PRRC2B: variants seen among roughly 807,000 people sequenced by gnomAD.
PRRC2B encodes proline rich coiled-coil 2B.
A neutral mutation model predicts 242.3 loss-of-function variants in PRRC2B; 68 were observed. That is an observed-to-expected ratio of 0.28 (90% CI 0.23 to 0.34). PRRC2B has a LOEUF of 0.34. PRRC2B is among the 10% of genes least tolerant of loss of function. The probability of loss-of-function intolerance (pLI) is 1.00; values close to 1 mark genes in which losing one functional copy is unlikely to be tolerated. For synonymous variants in PRRC2B, 1,228 were observed against 1,173.6 expected (o/e 1.05, Z -0.95); for missense variants, 2,835 against 2,954.8 (o/e 0.96, Z 0.94).
chr9:131,475,370 G>A lies in PRRC2B; in HGVS notation c.3241G>A (p.Ala1081Thr), dbSNP rs1241349321. The change falls in exon 16 of 32, where the codon GCT becomes ACT. Residue 1081 changes from alanine to threonine, a missense_variant. Ala to Thr is a moderately conservative substitution (Grantham distance 58, BLOSUM62 0). Around this residue, in one of 7 missense-constraint regions of PRRC2B, gnomAD observed 1,536 missense variants for 1,483.1 expected, o/e 1.04. Coordinates refer to ENST00000683519, the MANE Select transcript of PRRC2B (RefSeq NM_013318.4). ...FREFTFRGRP[A>T]GGNGSGLCGG... ...AGAGTTCACTTTTCGTGGTCGGCCT[G>A]CTGGCGGAAATGGGAGCGGCCTCTG... 1 of 1,586,864 alleles carries A rather than the reference G, an allele frequency of 6.3e-7. No homozygotes were observed. Among genetic ancestry groups the A allele is most frequent in the Non-Finnish European group, 8.6e-7 (1 of 1,167,194 alleles).
chr9:131,474,350 T>G, intron 15 of PRRC2B, 104 bp from the exon 16 acceptor site: 3 of 1,026,622 alleles, frequency 2.9e-6, no homozygotes, highest in Non-Finnish European at 4.2e-6. Context: ...AGTGTTTTAG[T>G]TTTTGTTTTT....
intron 6 of PRRC2B, among the ~76,000 whole-genome samples, chr9:131,444,977 T>G (rs1011200949): frequency 1.3e-5 from 2 of 152,196 alleles, no homozygotes; most frequent in Non-Finnish European, 2.9e-5. Context: ...GCTCATGTAG[T>G]CCAGGGGTCT....
intron 1 of PRRC2B, among the ~76,000 whole-genome samples, chr9:131,386,910 G>A (rs920655395): frequency 1.3e-5 from 2 of 150,114 alleles, no homozygotes; most frequent in African/African-American, 4.9e-5. Context: ...CTGTCTGCAA[G>A]CTGAGGAGCA....
At chr9:131,479,004 G>A (rs549682285) in intron 18 of PRRC2B, among the ~76,000 whole-genome samples, 25 of 152,122 alleles carry the variant, frequency 1.6e-4, no homozygotes, top group East Asian at 5.8e-4. Flanking sequence ...GATCGTGAAC[G>A]CTATACTAAA....
intron 1 of PRRC2B, among the ~76,000 whole-genome samples, chr9:131,418,411 G>T (rs1044846749): frequency 1.3e-5 from 2 of 152,220 alleles, no homozygotes; most frequent in African/African-American, 4.8e-5. Flanking sequence ...TTCAGCGTTG[G>T]TTATTATTTG....
At position 131,494,395 on chromosome 9, in the gene PRRC2B, GT is replaced by G; in HGVS notation, c.6474-4del. 1 of 1,556,526 alleles carries G rather than the reference GT, an allele frequency of 6.4e-7. No individual in the cohort carries two copies. The highest frequency in any genetic ancestry group is 8.8e-7 in the Non-Finnish European group (1 of 1,139,754). Reference sequence around the variant, plus strand: ...TGTGTATTCTCAACCCCTGCCTTTGGTTTTTTCAGGCCTAGCTCTGCTAGCC... The same window carrying G: ...TGTGTATTCTCAACCCCTGCCTTTGGTTTTTCAGGCCTAGCTCTGCTAGCC... On this transcript the variant is annotated splice_polypyrimidine_tract_variant and intron_variant, in intron 30 of 31. Transcript: ENST00000683519. The surrounding 1 kb of genome is among the most constrained non-coding windows in gnomAD (Gnocchi z 4.3).
intron 11 of PRRC2B, among the ~76,000 whole-genome samples, chr9:131,460,537 A>G (rs1472580420): frequency 6.6e-6 from 1 of 152,144 alleles, no homozygotes; most frequent in Non-Finnish European, 1.5e-5. Context: ...TCTCTTGATT[A>G]ATGGGGTGCC....
Position 131,434,080 on chromosome 9 carries a change from G to A in PRRC2B, c.293+1286G>A, listed in dbSNP as rs118153401. Among the ~76,000 whole-genome samples, 357 of 152,238 alleles carry A rather than the reference G, an allele frequency of 2.3e-3. 17 individuals are homozygous for A. In the East Asian group the frequency reaches 0.061, roughly 26 times the overall value. The stretch of plus-strand genomic sequence containing the variant: ...CCTCAGTGTCCCCCCCTTGAAATAG[G>A]AATGATACCTGGCTTTGCTGGTGGT... On this transcript the variant is annotated intron_variant, in intron 3 of 31. Transcript: ENST00000683519.
chr9:131,436,250 A>G (rs890283416), intron 3 of PRRC2B, among the ~76,000 whole-genome samples: 8 of 152,176 alleles, frequency 5.3e-5, no homozygotes, highest in African/African-American at 1.9e-4. Context: ...CTGTAGTCCC[A>G]CCTACTCAGA....
chr9:131,490,149 T>G (rs1393711873), intron 28 of PRRC2B, among the ~76,000 whole-genome samples: 1 of 151,946 alleles, frequency 6.6e-6, no homozygotes, highest in Non-Finnish European at 1.5e-5. Flanking sequence ...ATCTCAAGAC[T>G]CATCATATTC....
chr9:131,469,675 A>C (rs370231026), intron 13 of PRRC2B, among the ~76,000 whole-genome samples: 1 of 152,330 alleles, frequency 6.6e-6, no homozygotes, highest in East Asian at 1.9e-4. Flanking sequence ...TCAGAGTGTG[A>C]CGCAGCAGTG....
At chr9:131,479,578 C>G (rs1341811138) in intron 19 of PRRC2B, among the ~76,000 whole-genome samples, 185 bp downstream of exon 19, 1 of 138,926 alleles carries the variant, frequency 7.2e-6, no homozygotes, top group Non-Finnish European at 1.5e-5. Context: ...CTGCTGCAAC[C>G]CCCAAACGGA....
intron 11 of PRRC2B, among the ~76,000 whole-genome samples, chr9:131,462,697 G>A (rs1248669823): frequency 6.6e-6 from 1 of 151,552 alleles, no homozygotes; most frequent in Non-Finnish European, 1.5e-5. Flanking sequence ...AATTAGCCAG[G>A]CGTGGTGCCG....
intron 1 of PRRC2B, among the ~76,000 whole-genome samples, chr9:131,422,937 A>C (rs1837882354): frequency 6.6e-6 from 1 of 151,968 alleles, no homozygotes; most frequent in Non-Finnish European, 1.5e-5. Flanking sequence ...ATTTTCTTTT[A>C]GGCTGGCAAG....
intron 4 of PRRC2B, among the ~76,000 whole-genome samples, chr9:131,437,841 A>G (rs1838425025): frequency 6.6e-6 from 1 of 152,244 alleles, no homozygotes; most frequent in African/African-American, 2.4e-5. Context: ...TTTGAAAGAA[A>G]AGGAGTGAGG....
chr9:131,397,315 T>G (rs983160287), intron 1 of PRRC2B, among the ~76,000 whole-genome samples: 2 of 151,902 alleles, frequency 1.3e-5, no homozygotes, highest in Non-Finnish European at 2.9e-5. Context: ...ACAGTGGCCG[T>G]CTCCAGCCTC....
At chr9:131,410,262 C>T (rs1232828162) in intron 1 of PRRC2B, among the ~76,000 whole-genome samples, 2 of 152,234 alleles carry the variant, frequency 1.3e-5, no homozygotes, top group East Asian at 1.9e-4. Flanking sequence ...AGAGGGGCTC[C>T]AGGCAGACCC....
chr9:131,476,326 C>T lies in PRRC2B; in HGVS notation c.4197C>T (p.Ser1399=). Residue 1399 remains serine (S), a synonymous_variant, in exon 16 of 32, where the codon TCC becomes TCT. Transcript: ENST00000683519. ...RREGPGSEPD[S]QVDGGLSGAS... ...AAGGCCCTGGGTCCGAGCCCGACTC[C>T]CAGGTGGATGGTGGCCTGTCGGGGG... 1 of 1,582,514 alleles carries T rather than the reference C, an allele frequency of 6.3e-7. No individual in the cohort carries two copies. Among genetic ancestry groups the T allele is most frequent in the Non-Finnish European group, 8.6e-7 (1 of 1,164,690 alleles).
rs1944393530 is a variant in PRRC2B, at chr9:131,498,681, G to A, written c.*2807G>A. On this transcript the variant is annotated 3_prime_UTR_variant, in exon 32 of 32. Transcript: ENST00000683519. ...CCACGGGGCCTTAGTGGGAACAGGT[G>A]GAGACCAGCACTTCCCTTTCCTGCT... 1 of 152,240 alleles carries A rather than the reference G, an allele frequency of 6.6e-6. No homozygotes were observed. The highest frequency in any genetic ancestry group is 6.5e-5 in the Admixed American group (1 of 15,290). 9.4% of individuals were successfully genotyped at this position (152,240 alleles called of 1,614,324 possible).
Sources: allele counts gnomAD v4.1 joint callset (sites outside exome capture counted in the v4.1 genomes callset), GRCh38; gene constraint gnomAD v4.1.1; regional missense constraint gnomAD v4.1.1; non-coding constraint Gnocchi (gnomAD v3.1); transcripts MANE v1.5; gene names NCBI Gene and HGNC (gene_info 2026-07-23, HGNC 2026-07-21).